Variants in COL11A1 observed in about 807,000 individuals in gnomAD.
COL11A1 encodes collagen alpha-1(XI) chain.
COL11A1 carries 74 observed loss-of-function variants against 265.2 expected under a neutral mutation model. That is an observed-to-expected ratio of 0.28 (90% confidence interval 0.23 to 0.34). The LOEUF is 0.34. Among genes scored for constraint, COL11A1 ranks in the 10% least tolerant of loss-of-function variants. COL11A1 has a pLI of 1.00. For missense variants in COL11A1, 2,165 were observed against 2,263.6 expected (o/e 0.96, Z 0.88); for synonymous variants, 816 against 727.6 (o/e 1.12, Z -1.96).
rs201225529 is a variant in COL11A1 at position 103,030,510 on chromosome 1, AT to A, written c.780+605del. 6.5e-4 allele frequency among the ~76,000 whole-genome samples: 99 copies of A among 152,040 alleles called. No homozygotes were observed. The East Asian group carries it at 0.019, about 29-fold the overall frequency. ...TTTAGAACAGTTTTGATATTTTCAA[AT>A]TTCTACTTCCTTTTTAAAACTCTAA... On this transcript the variant is annotated intron_variant, in intron 5 of 66. Transcript: ENST00000370096.
At chr1:102,918,255 GAAC>G (rs996555705) in intron 49 of COL11A1, among the ~76,000 whole-genome samples, 17 of 151,702 alleles carry the variant, frequency 1.1e-4, no homozygotes, top group African/African-American at 3.6e-4. Context: ...TTTTCAGAAA[GAAC>G]AACAAATTAC....
intron 4 of COL11A1, among the ~76,000 whole-genome samples, chr1:103,047,651 G>A (rs1311532714): frequency 6.6e-6 from 1 of 152,210 alleles, no homozygotes; most frequent in African/African-American, 2.4e-5. Context: ...TTGAATAGGA[G>A]TGGTGAGAGA....
At chr1:102,987,852 C>CT (rs1663736018) in intron 29 of COL11A1, 112 bp from the exon 30 acceptor site, 2 of 792,378 alleles carry the variant, frequency 2.5e-6, no homozygotes, top group Admixed American at 3.8e-5. Context: ...TCCATCTTGC[C>CT]TTTTACCTTC....
At chr1:103,092,991 C>A (rs1673447392) in intron 1 of COL11A1, among the ~76,000 whole-genome samples, 1 of 151,352 alleles carries the variant, frequency 6.6e-6, no homozygotes, top group Non-Finnish European at 1.5e-5. Flanking sequence ...CAAAAAAAAA[C>A]AGAAAAAGAC....
intron 4 of COL11A1, among the ~76,000 whole-genome samples, chr1:103,042,215 T>A (rs910256054): frequency 5.3e-5 from 8 of 151,944 alleles, no homozygotes; most frequent in African/African-American, 1.9e-4. Flanking sequence ...AAAATAAACC[T>A]CCTCTCAAAT....
intron 56 of COL11A1, 57 bp downstream of exon 56, chr1:102,898,609 T>A (rs1049017590): frequency 5.5e-6 from 8 of 1,447,714 alleles, no homozygotes; most frequent in Admixed American, 1.7e-5. Flanking sequence ...CATTCAAAAT[T>A]TTTTTAAAAT....
chr1:103,022,187 A>C (rs1009003150), intron 8 of COL11A1, among the ~76,000 whole-genome samples: 2 of 151,938 alleles, frequency 1.3e-5, no homozygotes, highest in African/African-American at 4.8e-5. Context: ...TAATTTAGTA[A>C]ACTAAACACA....
At chr1:103,044,750 T>C (rs1453660595) in intron 4 of COL11A1, among the ~76,000 whole-genome samples, 1 of 152,142 alleles carries the variant, frequency 6.6e-6, no homozygotes, top group Non-Finnish European at 1.5e-5. Flanking sequence ...TAGTATTACA[T>C]GTCAGGTACT....
chr1:102,965,758 A>C (rs76155453), intron 37 of COL11A1, among the ~76,000 whole-genome samples: 1 of 152,216 alleles, frequency 6.6e-6, no homozygotes, highest in Non-Finnish European at 1.5e-5. Flanking sequence ...GTAGGGCAAT[A>C]ATTACCTTTA....
intron 4 of COL11A1, among the ~76,000 whole-genome samples, chr1:103,065,573 C>CAAAA (rs61016929): frequency 1.7e-4 from 22 of 130,656 alleles, no homozygotes; most frequent in South Asian, 9.4e-4. Context: ...AACAAACAAA[C>CAAAA]AAAAAAAATA....
intron 54 of COL11A1, among the ~76,000 whole-genome samples, chr1:102,910,693 A>ATG (rs1429008779): frequency 6.6e-6 from 1 of 151,964 alleles, no homozygotes; most frequent in Non-Finnish European, 1.5e-5. Context: ...ATTGTGTTAC[A>ATG]TGATTTATCT....
chr1:102,935,799 T>C (rs897772067), intron 44 of COL11A1, among the ~76,000 whole-genome samples: 4 of 152,144 alleles, frequency 2.6e-5, no homozygotes, highest in Non-Finnish European at 1.5e-5. Context: ...CTACTACTTG[T>C]GGGGGAACTG....
chr1:103,008,668 G>A lies in COL11A1; in HGVS notation c.1630-152C>T, dbSNP rs1665855146. The A allele has an allele frequency of 8.3e-6, 6 of 721,958 alleles. No individual in the cohort carries two copies. In the South Asian group the frequency reaches 8.5e-5, roughly 10 times the overall value. 44.7% of individuals were successfully genotyped at this position (721,958 alleles called of 1,614,324 possible). A position where few individuals can be genotyped will look rare whatever the true frequency, so the allele number is the denominator to read the frequency against. On this transcript the variant is annotated intron_variant, in intron 14 of 66. Transcript: ENST00000370096. ...TTAATTAACACAGTAAAATTTTCCA[G>A]CACTTGCATTGAAATATATCTCTTC...
chr1:102,929,642 G>A (rs1240386145), intron 46 of COL11A1, among the ~76,000 whole-genome samples: 7 of 152,048 alleles, frequency 4.6e-5, no homozygotes, highest in Non-Finnish European at 8.8e-5. Context: ...GGCATTGGTA[G>A]CTTGATGGGG....
chr1:103,050,941 G>A (rs546309535), intron 4 of COL11A1, among the ~76,000 whole-genome samples: 3 of 152,226 alleles, frequency 2.0e-5, no homozygotes, highest in Non-Finnish European at 4.4e-5. Context: ...CAAATGCTGC[G>A]GCCTGATTGT....
intron 9 of COL11A1, among the ~76,000 whole-genome samples, chr1:103,020,026 G>T (rs1571056924): frequency 6.8e-6 from 1 of 147,052 alleles, no homozygotes. Context: ...CTTTGCTATT[G>T]TGAATAATGC....
At chr1:103,075,406 A>G (rs762335457) in intron 3 of COL11A1, among the ~76,000 whole-genome samples, 1 of 152,166 alleles carries the variant, frequency 6.6e-6, no homozygotes, top group Non-Finnish European at 1.5e-5. Flanking sequence ...CTGAGACACA[A>G]TATCTTTCCT....
intron 46 of COL11A1, among the ~76,000 whole-genome samples, chr1:102,927,950 TCATAG>T (rs1656819620): frequency 6.6e-6 from 1 of 151,920 alleles, no homozygotes; most frequent in South Asian, 2.1e-4. Context: ...AAGTAAAGAG[TCATAG>T]GTCGAGTTTC....
chr1:103,084,572 C>T (rs1176986291), intron 1 of COL11A1, among the ~76,000 whole-genome samples: 1 of 146,096 alleles, frequency 6.8e-6, no homozygotes, highest in African/African-American at 2.5e-5. Context: ...CAAAACAGTA[C>T]ACTACATGAA....
Sources: gnomAD v4.1 joint callset for allele counts (sites outside exome capture counted in the v4.1 genomes callset) on GRCh38, gnomAD v4.1.1 for gene constraint, MANE v1.5 for transcripts, NCBI Gene and HGNC (gene_info 2026-07-23, HGNC 2026-07-21) for gene names.